HMGCLL1: variants seen among roughly 807,000 people sequenced by gnomAD.
HMGCLL1 encodes 3-hydroxy-3-methylglutaryl-CoA lyase like 1.
Under a neutral mutation model 39.1 loss-of-function variants are expected in HMGCLL1, and 36 were observed. That is an observed-to-expected ratio of 0.92 (90% CI 0.71 to 1.22). The LOEUF (loss-of-function observed/expected upper bound fraction) is 1.22. Among genes scored for constraint, HMGCLL1 ranks in the 50% most tolerant of loss-of-function variants. HMGCLL1 has a pLI of 0.00. For synonymous variants in HMGCLL1, 149 were observed against 144.0 expected (o/e 1.03, Z -0.25); for missense variants, 451 against 416.5 (o/e 1.08, Z -0.72).
intron 1 of HMGCLL1, among the ~76,000 whole-genome samples, chr6:55,564,661 T>C (rs368345127): frequency 2.6e-5 from 4 of 152,126 alleles, no homozygotes; most frequent in East Asian, 3.8e-4. Context: ...AATGCAGTAA[T>C]ACATTTTACA....
chr6:55,677,488 A>G, the HMGCLL1 span, among the ~76,000 whole-genome samples: 1 of 152,156 alleles, frequency 6.6e-6, no homozygotes, highest in Non-Finnish European at 1.5e-5. Context: ...TTAACATCCA[A>G]GTTTGTTTTT....
intron 5 of HMGCLL1, among the ~76,000 whole-genome samples, chr6:55,504,748 T>A (rs1442860499): frequency 6.6e-6 from 1 of 151,734 alleles, no homozygotes; most frequent in Non-Finnish European, 1.5e-5. Flanking sequence ...GAGGGCCTAC[T>A]GTATTCAATT....
the HMGCLL1 span, among the ~76,000 whole-genome samples, chr6:55,667,427 A>T: frequency 6.6e-6 from 1 of 151,804 alleles, no homozygotes; most frequent in Non-Finnish European, 1.5e-5. Flanking sequence ...TGGAACGGAT[A>T]TTATCACCCT....
intron 1 of HMGCLL1, among the ~76,000 whole-genome samples, chr6:55,553,770 T>C (rs73451190): frequency 6.7e-4 from 102 of 152,336 alleles, no homozygotes; most frequent in African/African-American, 2.3e-3. Flanking sequence ...AATTATTCCA[T>C]TTATCATTTT....
intron 3 of HMGCLL1, among the ~76,000 whole-genome samples, chr6:55,540,964 G>C (rs1166093654): frequency 6.6e-6 from 1 of 152,132 alleles, no homozygotes; most frequent in Non-Finnish European, 1.5e-5. Context: ...AGCAATTGGG[G>C]AAATAACTGA....
chr6:55,676,895 A>G, the HMGCLL1 span, among the ~76,000 whole-genome samples: 24 of 152,214 alleles, frequency 1.6e-4, no homozygotes, highest in African/African-American at 5.5e-4. Flanking sequence ...GGGGAAAAAT[A>G]CTTTACTTGC....
chr6:55,568,202 A>G (rs1771306546), intron 1 of HMGCLL1, among the ~76,000 whole-genome samples: 1 of 152,190 alleles, frequency 6.6e-6, no homozygotes, highest in Admixed American at 6.6e-5. Context: ...GAGAGAAGAA[A>G]TTAAAAACAC....
chr6:55,528,888 T>C (rs918303193), intron 3 of HMGCLL1, among the ~76,000 whole-genome samples: 6 of 152,004 alleles, frequency 3.9e-5, no homozygotes, highest in African/African-American at 1.4e-4. Context: ...ACTCTTCTAT[T>C]GTAAATGCAG....
intron 7 of HMGCLL1, among the ~76,000 whole-genome samples, chr6:55,482,791 A>C (rs1400601870): frequency 6.6e-6 from 1 of 152,150 alleles, no homozygotes; most frequent in East Asian, 1.9e-4. Flanking sequence ...ACCTCAGGAA[A>C]TTGATGTCAT....
At chr6:55,493,925 C>T (rs1766450132) in intron 7 of HMGCLL1, among the ~76,000 whole-genome samples, 1 of 151,678 alleles carries the variant, frequency 6.6e-6, no homozygotes, top group African/African-American at 2.4e-5. Flanking sequence ...TTAGTAGAGA[C>T]GGGGGTTCTC....
intron 1 of HMGCLL1, among the ~76,000 whole-genome samples, chr6:55,576,098 G>T (rs1156350197): frequency 6.6e-6 from 1 of 152,114 alleles, no homozygotes; most frequent in Admixed American, 6.5e-5. Context: ...TATCTGCAAA[G>T]CAATTAAATA....
At chr6:55,514,295 T>C in intron 4 of HMGCLL1, 99 bp from the exon 5 acceptor site, 1 of 794,794 alleles carries the variant, frequency 1.3e-6, no homozygotes, top group East Asian at 2.7e-5. Flanking sequence ...CATACATGTA[T>C]TCTTTAATAT....
At chr6:55,591,430 A>T in the HMGCLL1 span, among the ~76,000 whole-genome samples, 4 of 151,930 alleles carry the variant, frequency 2.6e-5, no homozygotes, top group African/African-American at 9.7e-5. Flanking sequence ...CATCTTGATA[A>T]TCATGCCTGG....
chr6:55,439,393 C>T (rs759038429), intron 8 of HMGCLL1, 41 bp downstream of exon 8: 2 of 1,571,148 alleles, frequency 1.3e-6, no homozygotes, highest in African/African-American at 2.7e-5. Context: ...TTTGGAGCTG[C>T]AAGGAATGCA....
the HMGCLL1 span, among the ~76,000 whole-genome samples, chr6:55,611,106 T>G: frequency 6.6e-6 from 1 of 152,102 alleles, no homozygotes. Flanking sequence ...ATTAAGAAAC[T>G]CACTCAAAAC....
chr6:55,520,304 G>A (rs995337640), intron 3 of HMGCLL1, among the ~76,000 whole-genome samples: 18 of 149,870 alleles, frequency 1.2e-4, no homozygotes, highest in African/African-American at 4.4e-4. Context: ...AAATGAACAG[G>A]GATGATAATG....
At chr6:55,502,086 G>C (rs1423527942) in intron 5 of HMGCLL1, among the ~76,000 whole-genome samples, 4 of 151,856 alleles carry the variant, frequency 2.6e-5, no homozygotes, top group African/African-American at 7.2e-5. Flanking sequence ...CTTTCAGCAA[G>C]AGTCTGGTAG....
chr6:55,649,336 G>A, the HMGCLL1 span, among the ~76,000 whole-genome samples: 1 of 151,050 alleles, frequency 6.6e-6, no homozygotes, highest in African/African-American at 2.4e-5. Flanking sequence ...ATGCTTAAAG[G>A]ACATTTGCAT....
chr6:55,484,632 G>A (rs542427879), intron 7 of HMGCLL1, among the ~76,000 whole-genome samples: 2 of 151,910 alleles, frequency 1.3e-5, no homozygotes, highest in Non-Finnish European at 2.9e-5. Flanking sequence ...TTGCTCACTC[G>A]AATGTCTTTG....
Sources: allele counts gnomAD v4.1 joint callset (sites outside exome capture counted in the v4.1 genomes callset), GRCh38; gene constraint gnomAD v4.1.1; transcripts MANE v1.5; gene names NCBI Gene and HGNC (gene_info 2026-07-23, HGNC 2026-07-21).